Variants in TMPRSS11E observed in about 807,000 individuals in gnomAD.
TMPRSS11E encodes transmembrane serine protease 11E, also known as transmembrane protease serine 11E.
A neutral mutation model predicts 48.1 loss-of-function variants in TMPRSS11E; 38 were observed. The ratio of observed to expected loss-of-function variants is 0.79; its 90% CI spans 0.61 to 1.04. The LOEUF (loss-of-function observed/expected upper bound fraction) is 1.04, where lower values mean the gene tolerates loss of function less well. Among genes scored for constraint, TMPRSS11E ranks in the 50% least tolerant of loss-of-function variants. The pLI is 0.00. For synonymous variants in TMPRSS11E, 158 were observed against 171.9 expected (o/e 0.92, Z 0.63); for missense variants, 530 against 510.8 (o/e 1.04, Z -0.36).
At chr4:68,464,922 A>G (rs1272804488) in intron 2 of TMPRSS11E, among the ~76,000 whole-genome samples, 1 of 152,192 alleles carries the variant, frequency 6.6e-6, no homozygotes, top group Non-Finnish European at 1.5e-5. Context: ...CAGGCTCCCT[A>G]GGCAGTTCAC....
intron 9 of TMPRSS11E, among the ~76,000 whole-genome samples, chr4:68,493,030 C>G (rs984717562): frequency 1.3e-5 from 2 of 152,040 alleles, no homozygotes; most frequent in Admixed American, 6.6e-5. Flanking sequence ...TCAACTATCT[C>G]GGTTTCTATA....
At chr4:68,461,669 C>T (rs994206364) in intron 1 of TMPRSS11E, 152 bp from the exon 2 acceptor site, 27 of 1,215,214 alleles carry the variant, frequency 2.2e-5, no homozygotes, top group Admixed American at 4.4e-5. Flanking sequence ...CAGGACTGGC[C>T]TCAGCAGCCT....
At chr4:68,466,956 CTT>C (rs1222432545) in intron 3 of TMPRSS11E, among the ~76,000 whole-genome samples, 1 of 152,074 alleles carries the variant, frequency 6.6e-6, no homozygotes, top group Non-Finnish European at 1.5e-5. Flanking sequence ...ACCAAAGAAA[CTT>C]TAGCCATTCG....
intron 2 of TMPRSS11E, 134 bp downstream of exon 2, chr4:68,462,079 C>T: frequency 1.8e-6 from 2 of 1,113,624 alleles, no homozygotes; most frequent in Non-Finnish European, 2.6e-6. Context: ...GGATCTTTAC[C>T]TGCTTTCTCT....
chr4:68,479,319 A>C (rs1166890843), intron 9 of TMPRSS11E, among the ~76,000 whole-genome samples: 1 of 152,046 alleles, frequency 6.6e-6, no homozygotes, highest in East Asian at 1.9e-4. Context: ...TCTGGCAATC[A>C]CTAATTTATT....
intron 5 of TMPRSS11E, among the ~76,000 whole-genome samples, chr4:68,474,391 G>T (rs776304700): frequency 1.3e-5 from 2 of 152,102 alleles, no homozygotes; most frequent in African/African-American, 2.4e-5. Flanking sequence ...TGGAGGGGCT[G>T]TGGACTCTCT....
chr4:68,450,152 A>G (rs1373385877), intron 1 of TMPRSS11E, among the ~76,000 whole-genome samples: 3 of 151,886 alleles, frequency 2.0e-5, no homozygotes, highest in Non-Finnish European at 2.9e-5. Context: ...TTGTGTTATA[A>G]GTATTTAGCA....
At chr4:68,460,797 G>A (rs1301990928) in intron 1 of TMPRSS11E, among the ~76,000 whole-genome samples, 3 of 151,900 alleles carry the variant, frequency 2.0e-5, no homozygotes, top group Non-Finnish European at 4.4e-5. Flanking sequence ...AAAATCATGT[G>A]GATCAATGTT....
At chr4:68,458,580 A>C (rs1480937909) in intron 1 of TMPRSS11E, among the ~76,000 whole-genome samples, 1 of 152,222 alleles carries the variant, frequency 6.6e-6, no homozygotes, top group Admixed American at 6.6e-5. Flanking sequence ...GAGGTTAATT[A>C]TACAAACGTC....
At chr4:68,466,940 G>A (rs962305141) in intron 3 of TMPRSS11E, among the ~76,000 whole-genome samples, 188 bp downstream of exon 3, 1 of 152,038 alleles carries the variant, frequency 6.6e-6, no homozygotes, top group Non-Finnish European at 1.5e-5. Flanking sequence ...TGACTCACAG[G>A]GTTGAACCAA....
chr4:68,472,113 T>C (rs899068255), intron 5 of TMPRSS11E, among the ~76,000 whole-genome samples: 30 of 152,050 alleles, frequency 2.0e-4, no homozygotes, highest in Admixed American at 5.3e-4. Context: ...TTTAGGTAGA[T>C]TTTTGTTGTT....
chr4:68,462,074 T>G (rs1728806244), intron 2 of TMPRSS11E, 129 bp downstream of exon 2: 2 of 1,148,606 alleles, frequency 1.7e-6, no homozygotes, highest in Non-Finnish European at 2.5e-6. Flanking sequence ...CAAAGGGATC[T>G]TTACCTGCTT....
At chr4:68,451,738 T>TGGTTTATTTGG (rs2109659036) in intron 1 of TMPRSS11E, among the ~76,000 whole-genome samples, 1 of 152,042 alleles carries the variant, frequency 6.6e-6, no homozygotes, top group East Asian at 1.9e-4. Context: ...TTAAACTTTA[T>TGGTTTATTTGG]ATCAACCTAT....
Position 68,496,900 on chromosome 4 carries a change from C to A in TMPRSS11E, c.*96C>A. ...ACAGAATTGGAGAAGACTTGCAAAA[C>A]AGCTAGATTTGACTGATCTCAATAA... On this transcript the variant is annotated 3_prime_UTR_variant, in exon 10 of 10. Transcript: ENST00000305363. 1 of 1,246,276 alleles carries A rather than the reference C, an allele frequency of 8.0e-7. No homozygotes were observed. Among genetic ancestry groups the A allele is most frequent in the Non-Finnish European group, 1.1e-6 (1 of 886,952 alleles). 77.2% of individuals were successfully genotyped at this position (1,246,276 alleles called of 1,614,324 possible).
chr4:68,452,567 T>G (rs1018052209), intron 1 of TMPRSS11E, among the ~76,000 whole-genome samples: 10 of 151,978 alleles, frequency 6.6e-5, no homozygotes, highest in Non-Finnish European at 1.5e-4. Flanking sequence ...AGCTGGAATC[T>G]GAGCACACCT....
chr4:68,481,782 T>G (rs1729408247), intron 9 of TMPRSS11E, among the ~76,000 whole-genome samples: 1 of 152,124 alleles, frequency 6.6e-6, no homozygotes, highest in Non-Finnish European at 1.5e-5. Flanking sequence ...AAATCCTGTC[T>G]CTGCTAGAAA....
intron 9 of TMPRSS11E, among the ~76,000 whole-genome samples, 174 bp downstream of exon 9, chr4:68,479,165 C>A (rs2603179): frequency 2.6e-5 from 4 of 151,964 alleles, no homozygotes; most frequent in African/African-American, 9.7e-5. Context: ...ATCTGGGAAA[C>A]TGACAGTCGT....
At chr4:68,481,395 G>A (rs2109705710) in intron 9 of TMPRSS11E, among the ~76,000 whole-genome samples, 1 of 152,262 alleles carries the variant, frequency 6.6e-6, no homozygotes, top group Middle Eastern at 3.4e-3. Flanking sequence ...TTCCCACAGT[G>A]GCTGACCTAA....
intron 2 of TMPRSS11E, among the ~76,000 whole-genome samples, chr4:68,464,458 T>C (rs947804672): frequency 1.3e-5 from 2 of 152,190 alleles, no homozygotes; most frequent in African/African-American, 4.8e-5. Flanking sequence ...TCACTGCAGA[T>C]TATAGAATCA....
Sources: gnomAD v4.1 joint callset for allele counts (sites outside exome capture counted in the v4.1 genomes callset) on GRCh38, gnomAD v4.1.1 for gene constraint, MANE v1.5 for transcripts, NCBI Gene and HGNC (gene_info 2026-07-23, HGNC 2026-07-21) for gene names.